The following RNF8 variants were observed in gnomAD, a reference collection of about 807,000 sequenced individuals.
RNF8 encodes the protein E3 ubiquitin-protein ligase RNF8.
RNF8 carries 8 observed loss-of-function variants against 59.3 expected under a neutral mutation model. The observed-to-expected ratio is 0.13, with a 90% CI of 0.08 to 0.24. The LOEUF is 0.24. Among genes scored for constraint, RNF8 ranks in the 10% least tolerant of loss-of-function variants. The pLI, the probability that RNF8 is intolerant of heterozygous loss-of-function variation, is 1.00. For synonymous variants in RNF8, 162 were observed against 200.0 expected (o/e 0.81, Z 1.60); for missense variants, 406 against 572.6 (o/e 0.71, Z 2.97).
chr6:37,380,039 G>C (rs1179508071), intron 6 of RNF8, among the ~76,000 whole-genome samples: 1 of 151,920 alleles, frequency 6.6e-6, no homozygotes, highest in Non-Finnish European at 1.5e-5. Context: ...CCAGCCTCCT[G>C]AGTAGCTGGG....
chr6:37,355,446 TA>T (rs1369295185), intron 1 of RNF8, among the ~76,000 whole-genome samples: 1 of 152,146 alleles, frequency 6.6e-6, no homozygotes, highest in Non-Finnish European at 1.5e-5. Context: ...TGAGGACAAA[TA>T]AAATTTCTGC....
At chr6:37,377,640 TGAG>T (rs1475046051) in intron 6 of RNF8, among the ~76,000 whole-genome samples, 1 of 152,194 alleles carries the variant, frequency 6.6e-6, no homozygotes, top group African/African-American at 2.4e-5. Flanking sequence ...TCTTTGTTGT[TGAG>T]GAGAAAACAG....
intron 7 of RNF8, among the ~76,000 whole-genome samples, chr6:37,389,582 G>A (rs1770645766): frequency 6.6e-6 from 1 of 152,046 alleles, no homozygotes. Flanking sequence ...AGCCAAGATA[G>A]CAGGTAGGGC....
chr6:37,376,074 C>T (rs997559364), intron 5 of RNF8, among the ~76,000 whole-genome samples: 4 of 152,198 alleles, frequency 2.6e-5, no homozygotes, highest in Non-Finnish European at 5.9e-5. Context: ...CCTTACTTTA[C>T]AGAAAAGGCA....
At chr6:37,366,967 T>TAA (rs1197130415) in intron 2 of RNF8, among the ~76,000 whole-genome samples, 1 of 152,252 alleles carries the variant, frequency 6.6e-6, no homozygotes. Flanking sequence ...CTATGCCATG[T>TAA]AATCCCACAT....
chr6:37,388,143 G>A (rs1388059942), intron 7 of RNF8, among the ~76,000 whole-genome samples: 1 of 152,214 alleles, frequency 6.6e-6, no homozygotes, highest in Non-Finnish European at 1.5e-5. Flanking sequence ...AGTGATGATG[G>A]TGGCTAGGTT....
At chr6:37,355,597 C>A (rs1222216994) in intron 1 of RNF8, among the ~76,000 whole-genome samples, 1 of 152,198 alleles carries the variant, frequency 6.6e-6, no homozygotes, top group Non-Finnish European at 1.5e-5. Flanking sequence ...AGTAGTTCTT[C>A]AAGTCAGAGG....
intron 7 of RNF8, among the ~76,000 whole-genome samples, chr6:37,384,984 G>T (rs994729710): frequency 4.6e-5 from 7 of 151,942 alleles, no homozygotes; most frequent in Non-Finnish European, 1.0e-4. Context: ...CCACATGCTT[G>T]TACTCAGATA....
chr6:37,357,964 C>T (rs544690528), intron 1 of RNF8, among the ~76,000 whole-genome samples: 7 of 152,078 alleles, frequency 4.6e-5, no homozygotes, highest in Non-Finnish European at 7.4e-5. Flanking sequence ...GTAAAATAAA[C>T]AAGATAATTT....
At chr6:37,388,733 G>A (rs1770606987) in intron 7 of RNF8, among the ~76,000 whole-genome samples, 1 of 151,040 alleles carries the variant, frequency 6.6e-6, no homozygotes, top group South Asian at 2.1e-4. Flanking sequence ...GAAGCCAGGA[G>A]TTCAAGACCA....
chr6:37,361,454 G>A lies in RNF8; in HGVS notation c.240+880G>A, dbSNP rs376565272. ...ACCTGTGAATAGCCACTGCACTCCA[G>A]TGTGGCTGACATAGTGAAGCCCTGT... On this transcript the variant is annotated intron_variant, in intron 2 of 7. Coordinates refer to ENST00000373479, the MANE Select transcript of RNF8 (RefSeq NM_003958.4). The A allele has an allele frequency of 5.4e-5, 23 of 425,558 alleles. 1 individual carries two copies. The highest frequency in any genetic ancestry group is 5.0e-4 in the East Asian group (7 of 14,058). The allele number at this position is 425,558 out of a possible 1,614,324, so 26.4% of individuals were successfully genotyped here.
intron 6 of RNF8, 132 bp from the exon 7 acceptor site, chr6:37,381,018 C>G (rs942465735): frequency 1.3e-6 from 1 of 775,846 alleles, no homozygotes; most frequent in African/African-American, 1.7e-5. Flanking sequence ...CTTTATAAGC[C>G]CTTAAGATGG....
rs55674793 is a variant in RNF8 at position 37,391,130 on chromosome 6, C to T, written c.*372C>T. The T allele has an allele frequency of 9.4e-3, 3,347 of 356,750 alleles. 85 individuals carry two copies. Among genetic ancestry groups the T allele is most frequent in the African/African-American group, 0.063 (2,993 of 47,404 alleles). The allele number at this position is 356,750 out of a possible 1,614,324, so 22.1% of individuals were successfully genotyped here. A position where few individuals can be genotyped will look rare whatever the true frequency, so the allele number is the denominator to read the frequency against. On this transcript the variant is annotated 3_prime_UTR_variant, in exon 8 of 8. Coordinates refer to ENST00000373479, the MANE Select transcript of RNF8 (RefSeq NM_003958.4). ...AGTTGTTTTGGATAGGTTGGGTGTA[C>T]CCCATGGCTGCCTCTGAAGGCAGTG...
At chr6:37,365,500 G>A (rs1192666450) in intron 2 of RNF8, among the ~76,000 whole-genome samples, 1 of 152,200 alleles carries the variant, frequency 6.6e-6, no homozygotes, top group Non-Finnish European at 1.5e-5. Context: ...ACCTTCCCAG[G>A]TAGTTTTACT....
In RNF8 at chr6:37,360,681, C is replaced by T. The variant is rs1769284580; in HGVS notation, c.240+107C>T. The T allele has an allele frequency of 8.9e-7, 1 of 1,125,298 alleles. No homozygotes were observed. Among genetic ancestry groups the T allele is most frequent in the African/African-American group, 1.6e-5 (1 of 61,700 alleles). The allele number at this position is 1,125,298 out of a possible 1,614,324, so 69.7% of individuals were successfully genotyped here. A position where few individuals can be genotyped will look rare whatever the true frequency, so the allele number is the denominator to read the frequency against. On this transcript the variant is annotated intron_variant, in intron 2 of 7. Coordinates refer to ENST00000373479, the MANE Select transcript of RNF8 (RefSeq NM_003958.4). This position sits in a 1 kb window ranked among gnomAD's most constrained non-coding sequence, Gnocchi z 4.2. ...ATAAAATTCAAAAGTATAACTTCTT[C>T]TTTCCTAGCCATCCAGTTCCCTTTT...
At position 37,393,442 on chromosome 6, in the gene RNF8, A is replaced by G. The variant is rs1282159920; in HGVS notation, c.*2684A>G. The G allele has an allele frequency of 6.6e-6, 1 of 152,248 alleles. No individual in the cohort carries two copies. The highest frequency in any genetic ancestry group is 1.5e-5 in the Non-Finnish European group (1 of 68,042). 9.4% of individuals were successfully genotyped at this position (152,248 alleles called of 1,614,324 possible). On this transcript the variant is annotated 3_prime_UTR_variant, in exon 8 of 8. Transcript: ENST00000373479. ...AACATCATCTGCATTTTACTTGCCT[A>G]GAAAATACACGGTAACTTTTCTGCC... is the stretch of plus-strand genomic sequence containing the variant.
At chr6:37,390,697 A>C (rs747913892) in intron 7 of RNF8, 45 bp from the exon 8 acceptor site, 6 of 1,475,960 alleles carry the variant, frequency 4.1e-6, no homozygotes, top group Non-Finnish European at 5.7e-6. Context: ...ACGGAAGGGA[A>C]ATACAGGCTC....
chr6:37,359,188 T>C (rs758197954), intron 1 of RNF8: 1 of 454,216 alleles, frequency 2.2e-6, no homozygotes, highest in South Asian at 1.6e-5. Context: ...CACAGGGTTG[T>C]TATGAACTAG....
rs1016722264 is a variant in RNF8 at position 37,394,684 on chromosome 6, T to C, written c.*3926T>C. The C allele has an allele frequency of 3.3e-5, 5 of 152,220 alleles. No individual in the cohort carries two copies. The highest frequency in any genetic ancestry group is 2.6e-4 in the Admixed American group (4 of 15,280). The allele number at this position is 152,220 out of a possible 1,614,324, so 9.4% of individuals were successfully genotyped here. On this transcript the variant is annotated 3_prime_UTR_variant, in exon 8 of 8. Coordinates refer to ENST00000373479, the MANE Select transcript of RNF8 (RefSeq NM_003958.4). ...CTGTGAATACTTCAACCTGCTGTGA[T>C]TTGGGGCCGTTTGTACTCTGCATGT...
Sources: gnomAD v4.1 joint callset for allele counts (sites outside exome capture counted in the v4.1 genomes callset) on GRCh38, gnomAD v4.1.1 for gene constraint, Gnocchi (gnomAD v3.1) non-coding constraint, MANE v1.5 for transcripts, NCBI Gene and HGNC (gene_info 2026-07-23, HGNC 2026-07-21) for gene names.